NUDT3: variants seen among roughly 807,000 people sequenced by gnomAD.
NUDT3 encodes the protein nudix hydrolase 3.
In NUDT3, 9 loss-of-function variants were observed where a neutral mutation model predicts 23.6. The observed-to-expected ratio is 0.38, with a 90% CI of 0.23 to 0.66. The LOEUF is 0.66. Among genes scored for constraint, NUDT3 ranks in the 30% least tolerant of loss-of-function variants. The pLI, the probability that NUDT3 is intolerant of heterozygous loss-of-function variation, is 0.52. For missense variants in NUDT3, 172 were observed against 218.5 expected (o/e 0.79, Z 1.34); for synonymous variants, 86 against 82.6 (o/e 1.04, Z -0.22).
At chr6:34,367,385 A>C (rs979944215) in intron 1 of NUDT3, among the ~76,000 whole-genome samples, 70 of 151,782 alleles carry the variant, frequency 4.6e-4, no homozygotes, top group African/African-American at 1.5e-3. Context: ...GGGAGGCTGA[A>C]GCAAGACAAT....
At chr6:34,320,697 G>A (rs1031781845) in intron 2 of NUDT3, among the ~76,000 whole-genome samples, 7 of 152,102 alleles carry the variant, frequency 4.6e-5, no homozygotes, top group African/African-American at 9.7e-5. Flanking sequence ...TTAGCCAGGC[G>A]TGGTGGCATG....
At chr6:34,351,077 C>T (rs1398579249) in intron 1 of NUDT3, among the ~76,000 whole-genome samples, 2 of 148,098 alleles carry the variant, frequency 1.4e-5, no homozygotes, top group South Asian at 2.1e-4. Context: ...TGGCCAGGCG[C>T]GGTGGCTCAC....
intron 1 of NUDT3, among the ~76,000 whole-genome samples, chr6:34,359,470 G>T (rs899999979): frequency 6.6e-6 from 1 of 152,070 alleles, no homozygotes; most frequent in South Asian, 2.1e-4. Flanking sequence ...TTTGTTTTTT[G>T]TATCTATGGA....
rs566139966 is a variant in NUDT3, at chr6:34,280,197, A to G, written c.*8556T>C. 54 of 152,264 alleles carry G rather than the reference A, an allele frequency of 3.5e-4. No individual in the cohort carries two copies. Among genetic ancestry groups the G allele is most frequent in the African/African-American group, 1.3e-3 (53 of 41,540 alleles). 9.4% of individuals were successfully genotyped at this position (152,264 alleles called of 1,614,324 possible). On this transcript the variant is annotated 3_prime_UTR_variant, in exon 5 of 5. Coordinates refer to ENST00000607016, the MANE Select transcript of NUDT3 (RefSeq NM_006703.4). ...TTTCCTTCCGCCTTCTCTGGACCAAATTTCACTCCCCTCAGCTCCAGAGAG... is the reference window on the plus strand; with the variant it reads ...TTTCCTTCCGCCTTCTCTGGACCAAGTTTCACTCCCCTCAGCTCCAGAGAG...
intron 2 of NUDT3, among the ~76,000 whole-genome samples, chr6:34,331,041 G>A (rs2113726255): frequency 6.6e-6 from 1 of 152,296 alleles, no homozygotes; most frequent in East Asian, 1.9e-4. Flanking sequence ...TTTTAGTAGA[G>A]ATGGGGTTTC....
At chr6:34,391,568 C>CA (rs1765199153) in intron 1 of NUDT3, among the ~76,000 whole-genome samples, 1 of 152,112 alleles carries the variant, frequency 6.6e-6, no homozygotes, top group Non-Finnish European at 1.5e-5. Flanking sequence ...AACGTCAGGG[C>CA]AAAAATGTTA....
At chr6:34,324,669 G>A (rs1763995695) in intron 2 of NUDT3, among the ~76,000 whole-genome samples, 1 of 152,184 alleles carries the variant, frequency 6.6e-6, no homozygotes, top group Non-Finnish European at 1.5e-5. Flanking sequence ...ACACAAATAT[G>A]TAATAACATT....
chr6:34,307,950 C>T (rs187719220), intron 2 of NUDT3, among the ~76,000 whole-genome samples: 150 of 151,568 alleles, frequency 9.9e-4, no homozygotes, highest in African/African-American at 3.4e-3. Flanking sequence ...GAAACCCCAT[C>T]TCTCCTAAAA....
At chr6:34,344,872 C>T (rs910704775) in intron 1 of NUDT3, among the ~76,000 whole-genome samples, 4 of 151,118 alleles carry the variant, frequency 2.6e-5, no homozygotes, top group Non-Finnish European at 5.9e-5. Context: ...AGGATGGTCT[C>T]GATCTCCTGA....
chr6:34,295,695 G>A lies in NUDT3; in HGVS notation c.211-10C>T. The A allele has an allele frequency of 6.2e-7, 1 of 1,613,754 alleles. No homozygotes were observed. The highest frequency in any genetic ancestry group is 8.5e-7 in the Non-Finnish European group (1 of 1,179,864). On this transcript the variant is annotated splice_polypyrimidine_tract_variant and intron_variant, in intron 2 of 4. Transcript: ENST00000607016. Reference sequence around the variant, plus strand: ...TCCCTTTTACTCCAGCCTAGAAAGTGAAAAGAACAATTAATGCACTGATAG... The same window carrying A: ...TCCCTTTTACTCCAGCCTAGAAAGTAAAAAGAACAATTAATGCACTGATAG...
chr6:34,295,311 G>A (rs1009120522), intron 3 of NUDT3, among the ~76,000 whole-genome samples: 2 of 151,896 alleles, frequency 1.3e-5, no homozygotes, highest in African/African-American at 2.4e-5. Flanking sequence ...TCGCTTAAAC[G>A]CAGGAGTTTG....
chr6:34,283,984 A>T lies in NUDT3; in HGVS notation c.*4769T>A, dbSNP rs948338993. The stretch of plus-strand genomic sequence containing the variant: ...TCTAGGGTGCTCTCCCACTTGCTCC[A>T]AGTTAGGCAGGTGCCCTGATGGAGG... On this transcript the variant is annotated 3_prime_UTR_variant, in exon 5 of 5. Transcript: ENST00000607016. 2 of 152,202 alleles carry T rather than the reference A, an allele frequency of 1.3e-5. No individual in the cohort carries two copies. Among genetic ancestry groups the T allele is most frequent in the African/African-American group, 2.4e-5 (1 of 41,444 alleles). The allele number at this position is 152,202 out of a possible 1,614,324, so 9.4% of individuals were successfully genotyped here.
At chr6:34,359,476 A>G (rs1478329977) in intron 1 of NUDT3, among the ~76,000 whole-genome samples, 3 of 152,198 alleles carry the variant, frequency 2.0e-5, no homozygotes, top group Admixed American at 6.5e-5. Flanking sequence ...TTTTGTATCT[A>G]TGGATTTGCT....
chr6:34,350,044 G>A (rs929928082), intron 1 of NUDT3, among the ~76,000 whole-genome samples: 5 of 149,904 alleles, frequency 3.3e-5, no homozygotes, highest in Admixed American at 1.3e-4. Flanking sequence ...AGCCGAGATC[G>A]CGCCACTGCA....
intron 2 of NUDT3, among the ~76,000 whole-genome samples, chr6:34,297,725 A>AT (rs1763524782): frequency 6.9e-5 from 3 of 43,484 alleles, no homozygotes; most frequent in East Asian, 1.3e-3. Context: ...ATGTAAAAAA[A>AT]AAAAAATATA....
At chr6:34,330,303 T>A (rs1054837873) in intron 2 of NUDT3, among the ~76,000 whole-genome samples, 4 of 152,186 alleles carry the variant, frequency 2.6e-5, no homozygotes, top group African/African-American at 9.7e-5. Flanking sequence ...ACATCCTCTC[T>A]AGTACCTGTT....
At chr6:34,357,392 C>T (rs960482714) in intron 1 of NUDT3, among the ~76,000 whole-genome samples, 9 of 151,660 alleles carry the variant, frequency 5.9e-5, no homozygotes, top group South Asian at 2.1e-4. Flanking sequence ...CCAGGTGGAC[C>T]GCTTGAGCCC....
intron 2 of NUDT3, among the ~76,000 whole-genome samples, chr6:34,335,378 AT>A (rs1243235111): frequency 6.6e-6 from 1 of 152,190 alleles, no homozygotes; most frequent in African/African-American, 2.4e-5. Flanking sequence ...TCCTAGAAAC[AT>A]TTAGAATTAA....
intron 1 of NUDT3, among the ~76,000 whole-genome samples, chr6:34,378,302 TG>T (rs1160167582): frequency 1.3e-5 from 2 of 151,730 alleles, no homozygotes; most frequent in African/African-American, 2.4e-5. Context: ...GATCCTGACT[TG>T]GGGGAAAAAA....
Sources: gnomAD v4.1 joint callset for allele counts (sites outside exome capture counted in the v4.1 genomes callset) on GRCh38, gnomAD v4.1.1 for gene constraint, MANE v1.5 for transcripts, NCBI Gene and HGNC (gene_info 2026-07-23, HGNC 2026-07-21) for gene names.